Variants in CORO7 observed in about 807,000 individuals in gnomAD.
The protein encoded by CORO7 is coronin 7.
A neutral mutation model predicts 126.6 loss-of-function variants in CORO7; 107 were observed. That is an observed-to-expected ratio of 0.85 (90% CI 0.72 to 0.99). CORO7 has a LOEUF of 0.99. Ranked by LOEUF, CORO7 falls within the 50% of genes least tolerant of loss-of-function variation. The probability of loss-of-function intolerance (pLI) is 0.00; values close to 1 mark genes in which losing one functional copy is unlikely to be tolerated. For synonymous variants in CORO7, 603 were observed against 536.8 expected, an observed-to-expected ratio of 1.12 and a Z score of -1.70; for missense variants, 1,314 against 1,255.8, an observed-to-expected ratio of 1.05 and a Z score of -0.70.
intron 4 of CORO7, among the ~76,000 whole-genome samples, chr16:4,407,939 C>G (rs1364821932): frequency 6.6e-6 from 1 of 152,166 alleles, no homozygotes; most frequent in Non-Finnish European, 1.5e-5. Flanking sequence ...AGTGGCTCTA[C>G]TGTTTCTGGC....
At chr16:4,391,495 G>C (rs527965645) in intron 7 of CORO7, among the ~76,000 whole-genome samples, 1 of 152,154 alleles carries the variant, frequency 6.6e-6, no homozygotes, top group Admixed American at 6.5e-5. Flanking sequence ...GGTGGAGCTC[G>C]CAGTGAGCCG....
chr16:4,393,479 G>C (rs980757109), intron 7 of CORO7, among the ~76,000 whole-genome samples: 1 of 152,174 alleles, frequency 6.6e-6, no homozygotes, highest in African/African-American at 2.4e-5. Context: ...TGCTTAAATG[G>C]GAGTCCTCTC....
At chr16:4,381,195 C>T in intron 9 of CORO7, 6 of 1,612,404 alleles carry the variant, frequency 3.7e-6, no homozygotes, top group South Asian at 1.1e-5. Flanking sequence ...GCAACCTGGA[C>T]CTGACAGCCA....
At chr16:4,358,564 C>A in intron 23 of CORO7, 81 bp from the exon 24 acceptor site, 2 of 1,394,024 alleles carry the variant, frequency 1.4e-6, no homozygotes, top group African/African-American at 1.4e-5. Context: ...GGTGCCGGCA[C>A]CCCTCACTTA....
chr16:4,416,202 G>GGGGCGAGGT (rs2056405551), intron 1 of CORO7, among the ~76,000 whole-genome samples: 1 of 152,152 alleles, frequency 6.6e-6, no homozygotes, highest in African/African-American at 2.4e-5. Flanking sequence ...CGGGGGTCCC[G>GGGGCGAGGT]GGGCGAGGTG....
intron 6 of CORO7, among the ~76,000 whole-genome samples, chr16:4,399,346 G>A (rs895937788): frequency 2.6e-5 from 4 of 152,200 alleles, no homozygotes; most frequent in Admixed American, 2.6e-4. Flanking sequence ...TGACGATGCA[G>A]CATTTCATTA....
chr16:4,370,933 T>C (rs1481540584), intron 9 of CORO7, among the ~76,000 whole-genome samples: 1 of 152,194 alleles, frequency 6.6e-6, no homozygotes, highest in Non-Finnish European at 1.5e-5. Context: ...CCCCAAAGGC[T>C]CTGAGGCATG....
At position 4,412,416 on chromosome 16, in the gene CORO7, C is replaced by G. The variant is rs2056245935; in HGVS notation, c.172G>C (p.Val58Leu). 1.9e-6 allele frequency: 3 copies of G among 1,614,236 alleles called. No homozygotes were observed. Among genetic ancestry groups the G allele is most frequent in the African/African-American group, 2.7e-5 (2 of 75,060 alleles). Reference sequence around the variant, plus strand: ...TCCTCTCCTTGGCCTTGCAGAGGCACAATGCCCAGTACACCTGTTAAACAA... The same window carrying G: ...TCCTCTCCTTGGCCTTGCAGAGGCAGAATGCCCAGTACACCTGTTAAACAA... Reference protein sequence around the residue: ...NSDRPGVLGIVPLQGQGEDKR... With the variant: ...NSDRPGVLGILPLQGQGEDKR... Residue 58 changes from valine to leucine, a missense_variant, in exon 3 of 28, where the codon GTG becomes CTG. Coordinates refer to ENST00000251166, the MANE Select transcript of CORO7 (RefSeq NM_024535.5).
In CORO7 at chr16:4,407,400, T is replaced by C. The variant is rs1035174373; in HGVS notation, c.487+101A>G. 1.4e-5 allele frequency: 19 copies of C among 1,369,362 alleles called. No homozygotes were observed. In the African/African-American group the frequency reaches 2.3e-4, roughly 17 times the overall value. 84.8% of individuals were successfully genotyped at this position (1,369,362 alleles called of 1,614,324 possible). A position where few individuals can be genotyped will look rare whatever the true frequency, so the allele number is the denominator to read the frequency against. On this transcript the variant is annotated intron_variant, in intron 5 of 27. Transcript: ENST00000251166. The stretch of plus-strand genomic sequence containing the variant: ...ATACTATGTAAGTGTAAAACTTTGA[T>C]ATCTGTTTTTAAATTTATGTGACTA...
At chr16:4,374,440 C>T (rs774859870) in intron 9 of CORO7, among the ~76,000 whole-genome samples, 20 of 152,048 alleles carry the variant, frequency 1.3e-4, no homozygotes, top group African/African-American at 4.3e-4. Context: ...CTTCAGGGTT[C>T]GGGACGGCCC....
chr16:4,385,666 T>C (rs1169687662), intron 9 of CORO7, among the ~76,000 whole-genome samples: 5 of 152,136 alleles, frequency 3.3e-5, no homozygotes, highest in Non-Finnish European at 7.4e-5. Context: ...AGACAGGACC[T>C]TGGTGTTCGA....
chr16:4,393,384 G>A (rs1268221485), intron 7 of CORO7, among the ~76,000 whole-genome samples: 1 of 152,176 alleles, frequency 6.6e-6, no homozygotes, highest in Non-Finnish European at 1.5e-5. Context: ...CCAGGCCCAG[G>A]TCCCACATGA....
At chr16:4,382,411 C>A in intron 9 of CORO7, 1 of 1,611,658 alleles carries the variant, frequency 6.2e-7, no homozygotes, top group South Asian at 1.1e-5. Flanking sequence ...GGTGACGCTG[C>A]GACTGCCTGC....
At position 4,394,606 on chromosome 16, in the gene CORO7, C is replaced by T. The variant is rs189091146; in HGVS notation, c.615+683G>A. ...TTGGCATTACTCAGGCCTCTGCTCC[C>T]GGGCCAGTTACTCAGGGAAGCACTA... On this transcript the variant is annotated intron_variant, in intron 7 of 27. Coordinates refer to ENST00000251166, the MANE Select transcript of CORO7 (RefSeq NM_024535.5). Among the ~76,000 whole-genome samples, 28 of 152,350 alleles carry T rather than the reference C, an allele frequency of 1.8e-4. No individual in the cohort carries two copies. The East Asian group carries it at 5.2e-3, about 28-fold the overall frequency.
intron 23 of CORO7, 63 bp downstream of exon 23, chr16:4,359,233 G>A (rs2054078938): frequency 2.7e-6 from 4 of 1,501,686 alleles, no homozygotes; most frequent in Non-Finnish European, 3.6e-6. Context: ...TTGCCCACAT[G>A]GCCACCAGGG....
At position 4,354,978 on chromosome 16, in the gene CORO7, T is replaced by C; in HGVS notation, c.*180A>G. ...CAGCTGACCCCAGAGACAGCAGAGGTGAAAACAGTCCCTGGGAACTGCCAG... is the reference window on the plus strand; with the variant it reads ...CAGCTGACCCCAGAGACAGCAGAGGCGAAAACAGTCCCTGGGAACTGCCAG... On this transcript the variant is annotated 3_prime_UTR_variant, in exon 28 of 28. Coordinates refer to ENST00000251166, the MANE Select transcript of CORO7 (RefSeq NM_024535.5). 1 of 567,340 alleles carries C rather than the reference T, an allele frequency of 1.8e-6. No homozygotes were observed. The highest frequency in any genetic ancestry group is 4.6e-5 in the South Asian group (1 of 21,902). The allele number at this position is 567,340 out of a possible 1,614,324, so 35.1% of individuals were successfully genotyped here.
intron 6 of CORO7, among the ~76,000 whole-genome samples, chr16:4,400,681 G>A (rs1229582159): frequency 4.6e-5 from 7 of 151,808 alleles, no homozygotes; most frequent in Non-Finnish European, 8.8e-5. Flanking sequence ...GTAGCCGGGT[G>A]TGGTGGCACG....
At chr16:4,369,833 C>A (rs1454093327) in intron 9 of CORO7, among the ~76,000 whole-genome samples, 2 of 152,140 alleles carry the variant, frequency 1.3e-5, no homozygotes, top group African/African-American at 4.8e-5. Flanking sequence ...AGTTAGGATC[C>A]TTTGACCCCC....
chr16:4,382,390 G>C (rs535693665), intron 9 of CORO7: 10 of 1,612,242 alleles, frequency 6.2e-6, no homozygotes, highest in Middle Eastern at 1.6e-4. Flanking sequence ...ATCGGGCCCT[G>C]ATAAGCGGCT....
Sources: gnomAD v4.1 joint callset for allele counts (sites outside exome capture counted in the v4.1 genomes callset) on GRCh38, gnomAD v4.1.1 for gene constraint, MANE v1.5 for transcripts, NCBI Gene and HGNC (gene_info 2026-07-23, HGNC 2026-07-21) for gene names.